The following ZFHX3 variants were observed in gnomAD, a reference collection of about 807,000 sequenced individuals.
ZFHX3 encodes the protein zinc finger homeobox 3, also known as zinc finger homeobox protein 3.
In ZFHX3, 42 loss-of-function variants were observed where a neutral mutation model predicts 279.1. That is an observed-to-expected ratio of 0.15 (90% confidence interval 0.12 to 0.19). ZFHX3 has a LOEUF of 0.19. ZFHX3 is among the 10% of genes least tolerant of loss of function. The pLI is 1.00. For synonymous variants in ZFHX3, 2,293 were observed against 1,957.8 expected (o/e 1.17, Z -4.52); for missense variants, 4,981 against 4,754.0 (o/e 1.05, Z -1.40).
At chr16:73,517,251 C>A (rs2019538929) in intron 2 of ZFHX3, among the ~76,000 whole-genome samples, 1 of 152,202 alleles carries the variant, frequency 6.6e-6, no homozygotes, top group Non-Finnish European at 1.5e-5. Flanking sequence ...TAGGCCATCC[C>A]TGTTTGGGGA....
intron 3 of ZFHX3, among the ~76,000 whole-genome samples, chr16:73,394,350 G>A (rs984391937): frequency 6.6e-6 from 1 of 151,566 alleles, no homozygotes; most frequent in Non-Finnish European, 1.5e-5. Context: ...AGGCTGGAGT[G>A]CAGTGGTGCG....
intron 1 of ZFHX3, among the ~76,000 whole-genome samples, chr16:73,010,020 C>CAA (rs1597086856): frequency 1.4e-5 from 1 of 70,826 alleles, no homozygotes; most frequent in Non-Finnish European, 2.7e-5. Context: ...GACTCCCTCT[C>CAA]AAAGAAAAAA....
chr16:73,533,278 G>A (rs2019839998), intron 2 of ZFHX3, among the ~76,000 whole-genome samples: 1 of 150,866 alleles, frequency 6.6e-6, no homozygotes, highest in African/African-American at 2.4e-5. Flanking sequence ...AACTTCCAAG[G>A]ACTCCTGACT....
rs2035232977 is a variant in ZFHX3 at position 72,783,904 on chromosome 16, AGC to A, written c.*3258_*3259del. 1 of 152,282 alleles carries A rather than the reference AGC, an allele frequency of 6.6e-6. No homozygotes were observed. Among genetic ancestry groups the A allele is most frequent in the African/African-American group, 2.4e-5 (1 of 41,474 alleles). 9.4% of individuals were successfully genotyped at this position (152,282 alleles called of 1,614,324 possible). On this transcript the variant is annotated 3_prime_UTR_variant, in exon 10 of 10. Transcript: ENST00000268489. ...ATGCTTTGTAAATAGTACTGGTCAT[AGC>A]CACGATGGCTGTCAGCCCACAAACA...
At chr16:72,839,654 T>C (rs1025416028) in intron 4 of ZFHX3, among the ~76,000 whole-genome samples, 1 of 148,798 alleles carries the variant, frequency 6.7e-6, no homozygotes, top group African/African-American at 2.5e-5. Context: ...AAAGCTGGAG[T>C]TGATAGAAGA....
At chr16:72,982,912 AG>A (rs1471306886) in intron 1 of ZFHX3, among the ~76,000 whole-genome samples, 1 of 152,188 alleles carries the variant, frequency 6.6e-6, no homozygotes, top group East Asian at 1.9e-4. Flanking sequence ...CTCATGAAGG[AG>A]GCTGAACTCA....
chr16:72,920,524 A>G (rs1350585655), intron 3 of ZFHX3, among the ~76,000 whole-genome samples: 1 of 151,912 alleles, frequency 6.6e-6, no homozygotes, highest in African/African-American at 2.4e-5. Flanking sequence ...TACTAAAAAT[A>G]CAAGAAAAAA....
At chr16:73,268,796 T>G (rs552351738) in intron 4 of ZFHX3, among the ~76,000 whole-genome samples, 1 of 152,020 alleles carries the variant, frequency 6.6e-6, no homozygotes, top group Non-Finnish European at 1.5e-5. Context: ...AGACTTGGAG[T>G]GCATCCTGGT....
intron 7 of ZFHX3, among the ~76,000 whole-genome samples, chr16:73,116,636 C>A (rs1182258584): frequency 1.8e-4 from 28 of 152,260 alleles, no homozygotes; most frequent in Admixed American, 1.8e-3. Context: ...CTTCTTCCAG[C>A]AGCCTTCAAT....
intron 1 of ZFHX3, among the ~76,000 whole-genome samples, chr16:73,056,896 T>TA (rs1567653459): frequency 6.6e-6 from 1 of 152,218 alleles, no homozygotes; most frequent in Non-Finnish European, 1.5e-5. Context: ...AGTAATTTTT[T>TA]AAAAAACATA....
At chr16:73,184,996 T>C (rs889853339) in intron 5 of ZFHX3, among the ~76,000 whole-genome samples, 1 of 151,920 alleles carries the variant, frequency 6.6e-6, no homozygotes, top group African/African-American at 2.4e-5. Flanking sequence ...TTTTTTTTTT[T>C]TCTGAGACAG....
chr16:73,222,286 T>G (rs1026083332), intron 5 of ZFHX3, among the ~76,000 whole-genome samples: 1 of 152,092 alleles, frequency 6.6e-6, no homozygotes, highest in Non-Finnish European at 1.5e-5. Context: ...TCATAAGATT[T>G]TTTCACAGAT....
intron 1 of ZFHX3, chr16:73,812,702 T>C (rs1487752449): frequency 1.3e-5 from 2 of 152,204 alleles, no homozygotes; most frequent in African/African-American, 2.4e-5. Flanking sequence ...CCTCCTAGCA[T>C]AGCAGCCTAG....
intron 7 of ZFHX3, among the ~76,000 whole-genome samples, chr16:73,126,400 T>A (rs1966570375): frequency 6.6e-6 from 1 of 152,068 alleles, no homozygotes; most frequent in South Asian, 2.1e-4. Flanking sequence ...ATTGCGCTGC[T>A]AGGGGAAGCA....
intron 2 of ZFHX3, among the ~76,000 whole-genome samples, chr16:73,612,933 G>C (rs112353939): frequency 1.5e-5 from 2 of 131,654 alleles, no homozygotes; most frequent in African/African-American, 5.1e-5. Flanking sequence ...TTAAAAAAAG[G>C]AGGAGATGAG....
At chr16:73,321,045 T>A (rs1455475459) in intron 3 of ZFHX3, among the ~76,000 whole-genome samples, 1 of 152,176 alleles carries the variant, frequency 6.6e-6, no homozygotes, top group South Asian at 2.1e-4. Context: ...GGAGATCCTG[T>A]CATGGCAGAA....
intron 5 of ZFHX3, among the ~76,000 whole-genome samples, chr16:73,150,080 T>A (rs1597184843): frequency 2.0e-5 from 3 of 152,260 alleles, no homozygotes; most frequent in Admixed American, 2.0e-4. Context: ...ACGGAGCTTT[T>A]GGGGGAGTTA....
chr16:73,075,100 A>G (rs1467801250), intron 8 of ZFHX3, among the ~76,000 whole-genome samples: 1 of 152,100 alleles, frequency 6.6e-6, no homozygotes, highest in Non-Finnish European at 1.5e-5. Context: ...GAGCTAGTGC[A>G]CTCGGCCTTT....
intron 6 of ZFHX3, among the ~76,000 whole-genome samples, chr16:73,131,539 G>C (rs1245490442): frequency 1.3e-5 from 2 of 152,212 alleles, no homozygotes; most frequent in African/African-American, 4.8e-5. Flanking sequence ...AACACAGAGA[G>C]ACAGAGAGAC....
Sources: allele counts gnomAD v4.1 joint callset (sites outside exome capture counted in the v4.1 genomes callset), GRCh38; gene constraint gnomAD v4.1.1; transcripts MANE v1.5; gene names NCBI Gene and HGNC (gene_info 2026-07-23, HGNC 2026-07-21).